GYS2: variants seen among roughly 807,000 people sequenced by gnomAD.
GYS2 encodes glycogen [starch] synthase, liver.
GYS2 carries 80 observed loss-of-function variants against 85.6 expected under a neutral mutation model. The ratio of observed to expected loss-of-function variants is 0.93; its 90% CI spans 0.78 to 1.13. The LOEUF (loss-of-function observed/expected upper bound fraction) is 1.13, where lower values mean the gene tolerates loss of function less well. Among genes scored for constraint, GYS2 ranks in the 50% most tolerant of loss-of-function variants. GYS2 has a pLI of 0.00. For synonymous variants in GYS2, 328 were observed against 300.7 expected (o/e 1.09, Z -0.94); for missense variants, 881 against 854.9 (o/e 1.03, Z -0.38).
At position 21,574,248 on chromosome 12, in the gene GYS2, G is replaced by T. The variant is rs150382575; in HGVS notation, c.574C>A (p.Arg192=). ...GTGGCAATAGGAAGTTTCCTGGCTC[G>T]AGAAAGGATCAGTCCAATTCCAGCC... The part of the protein sequence containing the change: ...WQAGIGLILS[R]ARKLPIATIF... The change falls in exon 4 of 16, where the codon CGA becomes AGA. Residue 192 remains arginine (R), a synonymous_variant. Coordinates refer to ENST00000261195, the MANE Select transcript of GYS2 (RefSeq NM_021957.4). 260 of 1,613,550 alleles carry T rather than the reference G, an allele frequency of 1.6e-4. 1 individual carries two copies. The South Asian group carries it at 2.7e-3, about 17-fold the overall frequency.
At chr12:21,571,807 A>T (rs1226779111) in intron 4 of GYS2, among the ~76,000 whole-genome samples, 1 of 152,040 alleles carries the variant, frequency 6.6e-6, no homozygotes, top group African/African-American at 2.4e-5. Context: ...CTAAAAATAC[A>T]AAAAATTAGC....
At chr12:21,597,956 T>G (rs928325787) in intron 1 of GYS2, among the ~76,000 whole-genome samples, 2 of 151,954 alleles carry the variant, frequency 1.3e-5, no homozygotes, top group African/African-American at 2.4e-5. Flanking sequence ...AAAGACAAAT[T>G]TTGCATGTTC....
intron 13 of GYS2, among the ~76,000 whole-genome samples, 156 bp downstream of exon 13, chr12:21,542,340 G>C (rs989477987): frequency 6.6e-6 from 1 of 152,156 alleles, no homozygotes. Context: ...ATGAGCCACT[G>C]TGCCCAGCCT....
chr12:21,536,964 T>C lies in GYS2; in HGVS notation c.2102A>G (p.Tyr701Cys), dbSNP rs765726821. 2 of 1,609,488 alleles carry C rather than the reference T, an allele frequency of 1.2e-6. No individual in the cohort carries two copies. Among genetic ancestry groups the C allele is most frequent in the Admixed American group, 1.7e-5 (1 of 60,008 alleles). ...CAGCACATGTAGAATTCAGTTCTTATATTCACCATGCAGCTTTTTCTTCCC... is the reference window on the plus strand; with the variant it reads ...CAGCACATGTAGAATTCAGTTCTTACATTCACCATGCAGCTTTTTCTTCCC... Reference protein sequence around the residue: ...PHGKKKLHGEYKN With the variant: ...PHGKKKLHGECKN Residue 701 changes from tyrosine (Y) to cysteine (C), a missense_variant, in exon 16 of 16, where the codon TAT becomes TGT. Physicochemically the swap from Tyr to Cys is radical, Grantham distance 194. Coordinates refer to ENST00000261195, the MANE Select transcript of GYS2 (RefSeq NM_021957.4).
chr12:21,579,525 A>G (rs1209771231), intron 2 of GYS2, among the ~76,000 whole-genome samples: 1 of 151,764 alleles, frequency 6.6e-6, no homozygotes, highest in Non-Finnish European at 1.5e-5. Context: ...ACACCTGGCT[A>G]ATTTTTGTAT....
chr12:21,577,692 C>A (rs190386846), intron 2 of GYS2, among the ~76,000 whole-genome samples: 41 of 152,220 alleles, frequency 2.7e-4, no homozygotes, highest in Non-Finnish European at 4.3e-4. Flanking sequence ...ACCTTGCATG[C>A]ACCTCCTAGA....
chr12:21,566,680 G>T (rs1022860911), intron 5 of GYS2, among the ~76,000 whole-genome samples: 1 of 152,048 alleles, frequency 6.6e-6, no homozygotes, highest in Non-Finnish European at 1.5e-5. Context: ...ATATGTTAAC[G>T]TTTGAATCAT....
intron 1 of GYS2, among the ~76,000 whole-genome samples, chr12:21,595,953 T>A (rs255436): frequency 0.97 from 147,702 of 152,232 alleles, 71,832 homozygotes; most frequent in East Asian, 1. Flanking sequence ...GACTTAACAG[T>A]TATATACAGA....
downstream of GYS2, among the ~76,000 whole-genome samples, chr12:21,533,593 G>C (rs1056297029): frequency 1.3e-5 from 2 of 152,124 alleles, no homozygotes; most frequent in African/African-American, 2.4e-5. Flanking sequence ...GGTTCATTCA[G>C]TGAAGACTCT....
intron 1 of GYS2, among the ~76,000 whole-genome samples, chr12:21,596,925 C>T (rs552693933): frequency 2.6e-5 from 4 of 152,228 alleles, no homozygotes; most frequent in Non-Finnish European, 4.4e-5. Flanking sequence ...GATGAATGCA[C>T]ACAAATCAGT....
intron 4 of GYS2, among the ~76,000 whole-genome samples, chr12:21,570,523 AT>A (rs1454186316): frequency 6.6e-6 from 1 of 152,274 alleles, no homozygotes; most frequent in Non-Finnish European, 1.5e-5. Flanking sequence ...ACGAAGACTT[AT>A]TCATCTTTCT....
chr12:21,565,221 G>C (rs1367448768), intron 5 of GYS2, among the ~76,000 whole-genome samples: 1 of 151,326 alleles, frequency 6.6e-6, no homozygotes, highest in Non-Finnish European at 1.5e-5. Flanking sequence ...ATTTAACAAA[G>C]AGTACTCCAG....
At chr12:21,591,421 T>C (rs1944637627) in intron 1 of GYS2, among the ~76,000 whole-genome samples, 1 of 151,466 alleles carries the variant, frequency 6.6e-6, no homozygotes, top group Non-Finnish European at 1.5e-5. Context: ...TGAAGACAGG[T>C]CTTTTAAAAT....
chr12:21,540,288 G>C (rs939610904), intron 14 of GYS2, 122 bp downstream of exon 14: 19 of 892,574 alleles, frequency 2.1e-5, no homozygotes, highest in Admixed American at 1.0e-4. Context: ...AGTACATGGA[G>C]ACACTGAGAT....
Position 21,563,355 on chromosome 12 carries a change from C to G in GYS2, c.824-10G>C, listed in dbSNP as rs754447268. 5 of 1,324,222 alleles carry G rather than the reference C, an allele frequency of 3.8e-6. No individual in the cohort carries two copies. In the Admixed American group the frequency reaches 6.7e-5, roughly 18 times the overall value. The allele number at this position is 1,324,222 out of a possible 1,614,324, so 82.0% of individuals were successfully genotyped here. On this transcript the variant is annotated splice_polypyrimidine_tract_variant and intron_variant, in intron 5 of 15. Transcript: ENST00000261195. ...TTTGGAGTAACTACATCTAGAAAGG[C>G]AAAACAAAATTATTATGAAAATTCT... is the stretch of plus-strand genomic sequence containing the variant.
intron 7 of GYS2, among the ~76,000 whole-genome samples, chr12:21,560,789 C>G (rs1485860795): frequency 6.6e-6 from 1 of 151,994 alleles, no homozygotes; most frequent in African/African-American, 2.4e-5. Flanking sequence ...GTGCCTTTGA[C>G]CATCTAGAAT....
At chr12:21,567,730 G>A (rs548319073) in intron 5 of GYS2, among the ~76,000 whole-genome samples, 29 of 152,076 alleles carry the variant, frequency 1.9e-4, no homozygotes, top group African/African-American at 6.0e-4. Context: ...ATAGGATGCC[G>A]GAGTGTCTCA....
chr12:21,553,056 T>C (rs949609588), intron 11 of GYS2, among the ~76,000 whole-genome samples: 1 of 152,228 alleles, frequency 6.6e-6, no homozygotes. Flanking sequence ...CACCTATTTA[T>C]GAATTCTTTT....
Position 21,542,517 on chromosome 12 carries a change from C to G in GYS2, c.1624G>C (p.Val542Leu). ...TCACCGTAAGCAGTAGGATCAGCCA[C>G]GTGCTCCTGCATGAAACAGCCAAAC... ...SGFGCFMQEH[V>L]ADPTAYGIYI... The change falls in exon 13 of 16, where the codon GTG (valine) becomes CTG (leucine). Residue 542 changes from valine (V) to leucine (L), a missense_variant. Val to Leu is a conservative substitution (Grantham distance 32, BLOSUM62 1). Coordinates refer to ENST00000261195, the MANE Select transcript of GYS2 (RefSeq NM_021957.4). The G allele has an allele frequency of 6.2e-7, 1 of 1,610,862 alleles. No individual in the cohort carries two copies. The highest frequency in any genetic ancestry group is 2.2e-5 in the East Asian group (1 of 44,870).
Sources: allele counts gnomAD v4.1 joint callset (sites outside exome capture counted in the v4.1 genomes callset), GRCh38; gene constraint gnomAD v4.1.1; transcripts MANE v1.5; gene names NCBI Gene and HGNC (gene_info 2026-07-23, HGNC 2026-07-21).